The following ALK variants were observed in gnomAD, a reference collection of about 807,000 sequenced individuals.
ALK encodes ALK tyrosine kinase receptor.
In ALK, 74 loss-of-function variants were observed where a neutral mutation model predicts 163.1. The ratio of observed to expected loss-of-function variants is 0.45; its 90% CI spans 0.38 to 0.55. The LOEUF is 0.55. Ranked by LOEUF, ALK falls within the 20% of genes least tolerant of loss-of-function variation. The pLI is 0.00. For synonymous variants in ALK, 960 were observed against 843.2 expected, an observed-to-expected ratio of 1.14 and a Z score of -2.40; for missense variants, 2,063 against 2,105.3, an observed-to-expected ratio of 0.98 and a Z score of 0.39.
chr2:29,837,507 C>T lies in ALK; in HGVS notation c.667+82486G>A, dbSNP rs140063304. Among the ~76,000 whole-genome samples the T allele has an allele frequency of 1.4e-3, 207 of 152,216 alleles. 2 individuals carry two copies. Among genetic ancestry groups the T allele is most frequent in the South Asian group, 3.5e-3 (17 of 4,818 alleles). ...AGAAAAATTACCAAAGATAATTGCT[C>T]CCATAACTGCAAGATACTGTACCCC... On this transcript the variant is annotated intron_variant, in intron 1 of 28. Transcript: ENST00000389048.
intron 1 of ALK, among the ~76,000 whole-genome samples, chr2:29,750,980 G>C (rs1455697466): frequency 1.3e-5 from 2 of 152,144 alleles, no homozygotes; most frequent in African/African-American, 2.4e-5. Context: ...TGAGGCAGGA[G>C]AATCGCTTGA....
intron 2 of ALK, among the ~76,000 whole-genome samples, chr2:29,704,555 T>C (rs1452038609): frequency 6.6e-6 from 1 of 152,238 alleles, no homozygotes; most frequent in Non-Finnish European, 1.5e-5. Flanking sequence ...TGAAAAATCC[T>C]ATTTTTTTCT....
intron 4 of ALK, among the ~76,000 whole-genome samples, chr2:29,476,116 G>A (rs1223733613): frequency 6.6e-6 from 1 of 152,144 alleles, no homozygotes; most frequent in East Asian, 1.9e-4. Context: ...GACCACCAGG[G>A]TTTGTTGCTC....
chr2:29,626,462 T>C (rs566804698), intron 3 of ALK, among the ~76,000 whole-genome samples: 2 of 152,336 alleles, frequency 1.3e-5, no homozygotes, highest in South Asian at 4.1e-4. Context: ...TCTTCCATCA[T>C]CTTCTGCCAT....
chr2:29,598,482 A>T (rs1273801192), intron 3 of ALK, among the ~76,000 whole-genome samples: 1 of 152,184 alleles, frequency 6.6e-6, no homozygotes, highest in East Asian at 1.9e-4. Flanking sequence ...GCTTGTTCTT[A>T]TCCTAACAGT....
At chr2:29,837,132 T>C (rs1359754670) in intron 1 of ALK, among the ~76,000 whole-genome samples, 1 of 152,192 alleles carries the variant, frequency 6.6e-6, no homozygotes, top group Non-Finnish European at 1.5e-5. Context: ...AGTTGTATGT[T>C]TCACAGTATA....
At chr2:29,641,382 C>T (rs1051874397) in intron 3 of ALK, among the ~76,000 whole-genome samples, 4 of 152,064 alleles carry the variant, frequency 2.6e-5, no homozygotes, top group East Asian at 1.9e-4. Flanking sequence ...ATGACCACAG[C>T]GCGTGATTCT....
At chr2:29,220,482 G>A (rs996128326) in intron 23 of ALK, among the ~76,000 whole-genome samples, 7 of 152,150 alleles carry the variant, frequency 4.6e-5, no homozygotes, top group South Asian at 2.1e-4. Flanking sequence ...CAAATGCATT[G>A]CAGGAGCCTT....
At chr2:29,911,571 G>C (rs547076358) in intron 1 of ALK, among the ~76,000 whole-genome samples, 13 of 152,368 alleles carry the variant, frequency 8.5e-5, no homozygotes, top group African/African-American at 3.1e-4. Flanking sequence ...AAGAGAGCTG[G>C]AGAAGGAAAT....
chr2:29,908,728 C>T (rs998926433), intron 1 of ALK, among the ~76,000 whole-genome samples: 6 of 152,180 alleles, frequency 3.9e-5, no homozygotes, highest in Admixed American at 1.3e-4. Flanking sequence ...TTTGGAGGTA[C>T]AGCATGAAAC....
At chr2:29,495,276 T>C (rs1433314603) in intron 4 of ALK, among the ~76,000 whole-genome samples, 1 of 152,108 alleles carries the variant, frequency 6.6e-6, no homozygotes, top group Non-Finnish European at 1.5e-5. Context: ...TGGCTTCTGG[T>C]TGTGTTTGGC....
chr2:29,502,065 T>C (rs568294486), intron 4 of ALK, among the ~76,000 whole-genome samples: 28 of 152,358 alleles, frequency 1.8e-4, no homozygotes, highest in African/African-American at 6.7e-4. Flanking sequence ...CATTTATCTC[T>C]TGATGGACAC....
intron 13 of ALK, among the ~76,000 whole-genome samples, chr2:29,238,177 T>C (rs910840804): frequency 6.6e-6 from 1 of 152,124 alleles, no homozygotes; most frequent in African/African-American, 2.4e-5. Flanking sequence ...AGCTGCCACA[T>C]CCGGCAGTTT....
chr2:29,230,444 G>A (rs1664166936), intron 15 of ALK, among the ~76,000 whole-genome samples: 1 of 152,124 alleles, frequency 6.6e-6, no homozygotes, highest in Admixed American at 6.6e-5. Flanking sequence ...ATTGATGGTG[G>A]AAGGCAGAAA....
At chr2:29,368,439 G>C (rs1430495281) in intron 5 of ALK, among the ~76,000 whole-genome samples, 4 of 152,190 alleles carry the variant, frequency 2.6e-5, no homozygotes, top group Non-Finnish European at 5.9e-5. Flanking sequence ...GTTGCAACAG[G>C]TAATATAATA....
At chr2:29,848,126 C>T (rs777440668) in intron 1 of ALK, among the ~76,000 whole-genome samples, 22 of 151,992 alleles carry the variant, frequency 1.4e-4, no homozygotes, top group African/African-American at 3.4e-4. Context: ...TCAGGGGCAG[C>T]GGGTGTGAAT....
chr2:29,410,844 G>A (rs1458697919), intron 4 of ALK, among the ~76,000 whole-genome samples: 1 of 152,174 alleles, frequency 6.6e-6, no homozygotes, highest in East Asian at 1.9e-4. Flanking sequence ...GTACACTCCT[G>A]TAGACTTTAG....
chr2:29,823,249 T>A (rs4539753), intron 1 of ALK, among the ~76,000 whole-genome samples: 89,019 of 152,008 alleles, frequency 0.59, 26,370 homozygotes, highest in East Asian at 0.87. Flanking sequence ...GAACTGTAAG[T>A]CCATCAAATT....
intron 3 of ALK, among the ~76,000 whole-genome samples, chr2:29,594,885 A>C (rs1675163269): frequency 2.7e-5 from 2 of 74,240 alleles, no homozygotes; most frequent in Non-Finnish European, 5.3e-5. Context: ...CTATTTTTCT[A>C]AACAAAAATG....
Sources: gnomAD v4.1 joint callset for allele counts (sites outside exome capture counted in the v4.1 genomes callset) on GRCh38, gnomAD v4.1.1 for gene constraint, MANE v1.5 for transcripts, NCBI Gene and HGNC (gene_info 2026-07-23, HGNC 2026-07-21) for gene names.